The following CDH12 variants were observed in gnomAD, a reference collection of about 807,000 sequenced individuals.
The protein encoded by CDH12 is cadherin 12, also known as cadherin-12.
In CDH12, 41 loss-of-function variants were observed where a neutral mutation model predicts 74.1. The ratio of observed to expected loss-of-function variants is 0.55; its 90% CI spans 0.43 to 0.72. CDH12 has a LOEUF of 0.72. Among genes scored for constraint, CDH12 ranks in the 30% least tolerant of loss-of-function variants. The pLI, the probability that CDH12 is intolerant of heterozygous loss-of-function variation, is 0.00. For missense variants in CDH12, 945 were observed against 977.2 expected, an observed-to-expected ratio of 0.97 and a Z score of 0.44; for synonymous variants, 399 against 355.0, an observed-to-expected ratio of 1.12 and a Z score of -1.39.
At chr5:22,442,133 A>C (rs1293697298) in intron 2 of CDH12, among the ~76,000 whole-genome samples, 1 of 152,156 alleles carries the variant, frequency 6.6e-6, no homozygotes, top group Non-Finnish European at 1.5e-5. Context: ...AGTCGGGTCT[A>C]AATTTTCAGT....
chr5:22,175,503 C>A (rs1163730272), intron 4 of CDH12, among the ~76,000 whole-genome samples: 6 of 152,116 alleles, frequency 3.9e-5, no homozygotes, highest in South Asian at 4.1e-4. Flanking sequence ...AAATGTATTT[C>A]TTTGCCTATT....
At chr5:22,350,991 A>C (rs1740334113) in intron 3 of CDH12, among the ~76,000 whole-genome samples, 1 of 152,158 alleles carries the variant, frequency 6.6e-6, no homozygotes, top group Non-Finnish European at 1.5e-5. Context: ...CATGTCAAAC[A>C]AGTTTTTAAT....
chr5:22,011,413 A>T (rs2963558), intron 5 of CDH12, among the ~76,000 whole-genome samples: 1 of 152,358 alleles, frequency 6.6e-6, no homozygotes, highest in African/African-American at 2.4e-5. Flanking sequence ...TTAGAAAAAG[A>T]ATAATGAGAG....
intron 8 of CDH12, among the ~76,000 whole-genome samples, chr5:21,820,959 T>C (rs569068107): frequency 6.6e-6 from 1 of 152,030 alleles, no homozygotes; most frequent in South Asian, 2.1e-4. Context: ...AAAATATATA[T>C]TTACAATTCA....
rs1749223730 is a variant in CDH12 at position 21,833,159 on chromosome 5, A to G, written c.814+9002T>C. ...AAATATATATTATATAACATATAAT[A>G]TATATTATATTATAAATATATATTA... On this transcript the variant is annotated intron_variant, in intron 8 of 14. Transcript: ENST00000382254. Among the ~76,000 whole-genome samples the G allele has an allele frequency of 5.5e-5, 3 of 54,916 alleles. No individual in the cohort carries two copies. The South Asian group carries it at 1.7e-3, about 31-fold the overall frequency. 36.0% of individuals were successfully genotyped at this position (54,916 alleles called of 152,430 possible). A position where few individuals can be genotyped will look rare whatever the true frequency, so the allele number is the denominator to read the frequency against.
chr5:22,266,384 T>G (rs900776224), intron 3 of CDH12, among the ~76,000 whole-genome samples: 1 of 152,100 alleles, frequency 6.6e-6, no homozygotes, highest in Non-Finnish European at 1.5e-5. Flanking sequence ...GCTTTGTTGA[T>G]TTTTTAATTA....
chr5:22,116,864 CTTTTTTTTTTT>C (rs70957090), intron 4 of CDH12, among the ~76,000 whole-genome samples: 2 of 108,030 alleles, frequency 1.9e-5, no homozygotes, highest in African/African-American at 6.8e-5. Flanking sequence ...CTGCAAGTCT[CTTTTTTTTTTT>C]TTTTTTTTTT....
At chr5:22,722,203 C>T (rs1334527139) in intron 1 of CDH12, among the ~76,000 whole-genome samples, 1 of 152,206 alleles carries the variant, frequency 6.6e-6, no homozygotes, top group African/African-American at 2.4e-5. Flanking sequence ...ACTAACATCT[C>T]TTATGCAACC....
At chr5:22,429,059 G>T (rs1580640213) in intron 2 of CDH12, among the ~76,000 whole-genome samples, 1 of 151,540 alleles carries the variant, frequency 6.6e-6, no homozygotes, top group Non-Finnish European at 1.5e-5. Context: ...TTCACCTTTT[G>T]GTTAGCCTCA....
At position 22,191,522 on chromosome 5, in the gene CDH12, T is replaced by A. The variant is rs142461789; in HGVS notation, c.-187+20976A>T. ...GGTTTCAGAAGTAATTACTCAATAT[T>A]TATTTATAAGTTGTCTATATACACC... is the stretch of plus-strand genomic sequence containing the variant. On this transcript the variant is annotated intron_variant, in intron 4 of 14. Coordinates refer to ENST00000382254, the MANE Select transcript of CDH12 (RefSeq NM_004061.5). Among the ~76,000 whole-genome samples, 35 of 151,170 alleles carry A rather than the reference T, an allele frequency of 2.3e-4. No individual in the cohort carries two copies. In the East Asian group the frequency reaches 6.8e-3, roughly 30 times the overall value.
intron 1 of CDH12, among the ~76,000 whole-genome samples, chr5:22,612,195 C>T (rs1430991141): frequency 3.9e-5 from 6 of 152,062 alleles, no homozygotes; most frequent in South Asian, 2.1e-4. Context: ...CAATAACTTG[C>T]TCAAAATTTA....
intron 6 of CDH12, among the ~76,000 whole-genome samples, chr5:21,887,458 T>C (rs542067702): frequency 2.4e-4 from 36 of 152,278 alleles, no homozygotes; most frequent in Non-Finnish European, 2.5e-4. Context: ...ACACTTCTGA[T>C]GAATAGACAG....
chr5:22,289,229 C>CA (rs1391373311), intron 3 of CDH12, among the ~76,000 whole-genome samples: 1 of 151,922 alleles, frequency 6.6e-6, no homozygotes, highest in Non-Finnish European at 1.5e-5. Flanking sequence ...TACCCTGATA[C>CA]AAATCTTTAA....
intron 4 of CDH12, among the ~76,000 whole-genome samples, chr5:22,116,700 A>G (rs892582330): frequency 2.0e-5 from 3 of 152,024 alleles, no homozygotes; most frequent in Non-Finnish European, 4.4e-5. Context: ...GCAGAAAAGT[A>G]GCCCCACCAC....
intron 1 of CDH12, among the ~76,000 whole-genome samples, chr5:22,841,613 A>G (rs1422597208): frequency 1.3e-5 from 2 of 151,540 alleles, no homozygotes; most frequent in Admixed American, 6.6e-5. Flanking sequence ...ACAGGAGAAA[A>G]CTAATGCTGC....
intron 4 of CDH12, among the ~76,000 whole-genome samples, chr5:22,166,859 T>TA (rs1418296189): frequency 1.2e-4 from 19 of 152,192 alleles, no homozygotes; most frequent in Admixed American, 4.6e-4. Context: ...TATATTATTT[T>TA]AAAAAAAGCA....
At chr5:22,149,603 T>C (rs1283185957) in intron 4 of CDH12, among the ~76,000 whole-genome samples, 1 of 152,190 alleles carries the variant, frequency 6.6e-6, no homozygotes, top group Non-Finnish European at 1.5e-5. Context: ...CTCACCTGAG[T>C]TTCAGTAGAG....
chr5:22,332,257 T>C (rs1739381781), intron 3 of CDH12, among the ~76,000 whole-genome samples: 1 of 151,618 alleles, frequency 6.6e-6, no homozygotes, highest in Non-Finnish European at 1.5e-5. Flanking sequence ...TATCCTAAAG[T>C]CAGCAAAAGA....
intron 1 of CDH12, among the ~76,000 whole-genome samples, chr5:22,779,640 A>T (rs1235822956): frequency 6.6e-6 from 1 of 152,092 alleles, no homozygotes; most frequent in African/African-American, 2.4e-5. Context: ...CGGTCTTGTG[A>T]TAGTGAGTGA....
Sources: allele counts gnomAD v4.1 joint callset (sites outside exome capture counted in the v4.1 genomes callset), GRCh38; gene constraint gnomAD v4.1.1; transcripts MANE v1.5; gene names NCBI Gene and HGNC (gene_info 2026-07-23, HGNC 2026-07-21).